TENM2: variants seen among roughly 807,000 people sequenced by gnomAD.
TENM2 encodes teneurin transmembrane protein 2.
TENM2 carries 52 observed loss-of-function variants against 245.2 expected under a neutral mutation model. The ratio of observed to expected loss-of-function variants is 0.21; its 90% CI spans 0.17 to 0.27. The LOEUF (loss-of-function observed/expected upper bound fraction) is 0.27. TENM2 is among the 10% of genes least tolerant of loss of function. The pLI, the probability that TENM2 is intolerant of heterozygous loss-of-function variation, is 1.00. For synonymous variants in TENM2, 1,363 were observed against 1,438.9 expected (o/e 0.95, Z 1.19); for missense variants, 3,046 against 3,666.8 (o/e 0.83, Z 4.37).
the TENM2 span, among the ~76,000 whole-genome samples, chr5:167,147,570 A>C: frequency 6.6e-6 from 1 of 152,176 alleles, no homozygotes; most frequent in Non-Finnish European, 1.5e-5. Flanking sequence ...TCAGATTGAC[A>C]GGGAATATTT....
chr5:167,691,240 T>C (rs6860687), intron 2 of TENM2, among the ~76,000 whole-genome samples: 64,711 of 151,890 alleles, frequency 0.43, 16,337 homozygotes, highest in East Asian at 0.9. Context: ...CCAACCTTCA[T>C]TTACCTTTGG....
intron 5 of TENM2, among the ~76,000 whole-genome samples, chr5:168,025,168 T>G (rs1426676866): frequency 6.6e-6 from 1 of 152,118 alleles, no homozygotes; most frequent in African/African-American, 2.4e-5. Context: ...TACATGGTCT[T>G]CAAAAAAAAT....
At chr5:167,568,857 A>G in intron 2 of TENM2, among the ~76,000 whole-genome samples, 1 of 152,186 alleles carries the variant, frequency 6.6e-6, no homozygotes, top group Admixed American at 6.5e-5. Flanking sequence ...AAGAGAACAT[A>G]ATTAATGCAT....
At chr5:167,306,936 T>G (rs1755714392) in intron 1 of TENM2, among the ~76,000 whole-genome samples, 1 of 152,234 alleles carries the variant, frequency 6.6e-6, no homozygotes, top group Non-Finnish European at 1.5e-5. Context: ...CTAGAGAGGT[T>G]AGTTACTTGA....
intron 5 of TENM2, among the ~76,000 whole-genome samples, chr5:168,017,142 C>T (rs1399396604): frequency 6.6e-6 from 1 of 152,174 alleles, no homozygotes; most frequent in African/African-American, 2.4e-5. Flanking sequence ...CTCATCATTT[C>T]ACCAAAGTAA....
At chr5:167,189,737 G>C in the TENM2 span, among the ~76,000 whole-genome samples, 3 of 151,846 alleles carry the variant, frequency 2.0e-5, no homozygotes, top group South Asian at 6.2e-4. Flanking sequence ...CCCAGCTCTT[G>C]AGTAGCCATA....
intron 2 of TENM2, among the ~76,000 whole-genome samples, chr5:167,720,492 C>A (rs1759555795): frequency 6.6e-6 from 1 of 152,126 alleles, no homozygotes; most frequent in Non-Finnish European, 1.5e-5. Flanking sequence ...CTAATACAAC[C>A]TTTTCCTTAG....
chr5:168,086,787 A>G (rs1328270024), intron 7 of TENM2, among the ~76,000 whole-genome samples: 2 of 152,212 alleles, frequency 1.3e-5, no homozygotes, highest in East Asian at 3.8e-4. Context: ...GAGGAGCCAG[A>G]TGTCCCCAAT....
At chr5:168,083,044 C>G (rs1255346792) in intron 7 of TENM2, among the ~76,000 whole-genome samples, 2 of 152,198 alleles carry the variant, frequency 1.3e-5, no homozygotes, top group Non-Finnish European at 2.9e-5. Flanking sequence ...ATGCCCTGCC[C>G]CCGAGGTGGA....
intron 2 of TENM2, among the ~76,000 whole-genome samples, chr5:167,713,563 C>A (rs10475523): frequency 4.6e-5 from 7 of 151,620 alleles, no homozygotes; most frequent in African/African-American, 1.7e-4. Flanking sequence ...GGCATGCGCA[C>A]ACCCCCACCA....
intron 5 of TENM2, among the ~76,000 whole-genome samples, chr5:168,026,040 G>A (rs1179422638): frequency 6.6e-6 from 1 of 152,136 alleles, no homozygotes; most frequent in Admixed American, 6.6e-5. Flanking sequence ...ACTCTCTGGG[G>A]AAGATCATAG....
intron 12 of TENM2, among the ~76,000 whole-genome samples, chr5:168,135,924 T>G (rs1755010531): frequency 6.6e-6 from 1 of 152,184 alleles, no homozygotes; most frequent in South Asian, 2.1e-4. Context: ...CCTTAAAGAA[T>G]GAGTCTGGTC....
At chr5:167,346,979 G>T (rs1758498124) in intron 1 of TENM2, among the ~76,000 whole-genome samples, 1 of 151,892 alleles carries the variant, frequency 6.6e-6, no homozygotes, top group South Asian at 2.1e-4. Context: ...TTGCCATGTT[G>T]CCCAGGCTGG....
chr5:167,401,190 G>A (rs1762350600), intron 2 of TENM2, among the ~76,000 whole-genome samples: 1 of 152,108 alleles, frequency 6.6e-6, no homozygotes, highest in Non-Finnish European at 1.5e-5. Flanking sequence ...TAGAGATCTT[G>A]CATTTTCTGT....
At chr5:167,331,800 A>G (rs934127959) in intron 1 of TENM2, among the ~76,000 whole-genome samples, 2 of 152,184 alleles carry the variant, frequency 1.3e-5, no homozygotes, top group African/African-American at 4.8e-5. Context: ...GAATGTTGTT[A>G]ATGATTTCTC....
At chr5:167,623,798 G>C (rs1380319011) in intron 2 of TENM2, among the ~76,000 whole-genome samples, 2 of 152,056 alleles carry the variant, frequency 1.3e-5, no homozygotes, top group African/African-American at 4.8e-5. Context: ...TCCCATTATA[G>C]TAAAATGAAA....
intron 2 of TENM2, among the ~76,000 whole-genome samples, chr5:167,724,101 T>G (rs1057225935): frequency 6.6e-6 from 1 of 152,212 alleles, no homozygotes; most frequent in African/African-American, 2.4e-5. Context: ...ATTGTTTCTT[T>G]TGCTTTTGCC....
rs897633523 is a variant in TENM2 at position 167,848,314 on chromosome 5, G to A, written c.503-27672G>A. On this transcript the variant is annotated intron_variant, in intron 2 of 28. Transcript: ENST00000518659. Reference sequence around the variant, plus strand: ...CCAAGTGTCCATAATGATCAGCTAGGCAATATGAATGAATGAAATAAGAGG... The same window carrying A: ...CCAAGTGTCCATAATGATCAGCTAGACAATATGAATGAATGAAATAAGAGG... 3.9e-5 allele frequency among the ~76,000 whole-genome samples: 6 copies of A among 152,216 alleles called. No individual in the cohort carries two copies. The South Asian group carries it at 1.0e-3, about 26-fold the overall frequency.
chr5:166,995,272 C>G, the TENM2 span, among the ~76,000 whole-genome samples: 1 of 151,808 alleles, frequency 6.6e-6, no homozygotes, highest in African/African-American at 2.4e-5. Flanking sequence ...TGGAGTCTCG[C>G]TCTGTCGCCC....
Sources: allele counts gnomAD v4.1 joint callset (sites outside exome capture counted in the v4.1 genomes callset), GRCh38; gene constraint gnomAD v4.1.1; transcripts MANE v1.5; gene names NCBI Gene and HGNC (gene_info 2026-07-23, HGNC 2026-07-21).